Variants in FOXRED1 observed in about 807,000 individuals in gnomAD.
FOXRED1 encodes the protein FAD dependent oxidoreductase domain containing 1.
In FOXRED1, 52 loss-of-function variants were observed where a neutral mutation model predicts 57.8. That is an observed-to-expected ratio of 0.90 (90% CI 0.72 to 1.13). FOXRED1 has a LOEUF of 1.13. Among genes scored for constraint, FOXRED1 ranks in the 50% most tolerant of loss-of-function variants. The pLI is 0.00. For synonymous variants in FOXRED1, 271 were observed against 248.3 expected (o/e 1.09, Z -0.86); for missense variants, 589 against 625.2 (o/e 0.94, Z 0.62).
rs140700160 is a variant in FOXRED1, at chr11:126,277,405, C to T, written c.1207-30C>T. ...GGATGGAGTGTGGCTACAGCCTTCCCGAGAACCCCAGTGTTTTGTGCACCC... is the reference window on the plus strand; with the variant it reads ...GGATGGAGTGTGGCTACAGCCTTCCTGAGAACCCCAGTGTTTTGTGCACCC... On this transcript the variant is annotated intron_variant, in intron 10 of 10. Coordinates refer to ENST00000263578, the MANE Select transcript of FOXRED1 (RefSeq NM_017547.4). The surrounding 1 kb of genome is among the most constrained non-coding windows in gnomAD (Gnocchi z 6.8). The T allele has an allele frequency of 1.3e-4, 212 of 1,612,394 alleles. No individual in the cohort carries two copies. In the African/African-American group the frequency reaches 2.5e-3, roughly 19 times the overall value.
Position 126,272,628 on chromosome 11 carries a change from G to A in FOXRED1, c.307-341G>A, listed in dbSNP as rs1951020822. On this transcript the variant is annotated intron_variant, in intron 2 of 10. Transcript: ENST00000263578. The surrounding 1 kb of genome is among the most constrained non-coding windows in gnomAD (Gnocchi z 4.6). ...TTAGGTGTTCCTGTTTGCATTGCCA[G>A]CTAGCCACGAGTCTTGCTACTTTAC... is the stretch of plus-strand genomic sequence containing the variant. The A allele has an allele frequency of 2.6e-6, 1 of 382,786 alleles. No individual in the cohort carries two copies. The highest frequency in any genetic ancestry group is 2.3e-5 in the South Asian group (1 of 43,068). The allele number at this position is 382,786 out of a possible 1,614,324, so 23.7% of individuals were successfully genotyped here.
rs1951004067 is a variant in FOXRED1, at chr11:126,272,079, C to T, written c.306+422C>T. Among the ~76,000 whole-genome samples, 2 of 151,474 alleles carry T rather than the reference C, an allele frequency of 1.3e-5. No individual in the cohort carries two copies. Among genetic ancestry groups the T allele is most frequent in the South Asian group, 4.2e-4 (2 of 4,802 alleles). On this transcript the variant is annotated intron_variant, in intron 2 of 10. Coordinates refer to ENST00000263578, the MANE Select transcript of FOXRED1 (RefSeq NM_017547.4). The surrounding 1 kb of genome is among the most constrained non-coding windows in gnomAD (Gnocchi z 4.6). ...CAGGTTCAAGTGATTATCCCACCTC[C>T]GCCCCCTGAGTAGCTGAGATTACAG...
intron 1 of FOXRED1, among the ~76,000 whole-genome samples, chr11:126,269,749 G>C (rs1178272393): frequency 6.6e-6 from 1 of 152,080 alleles, no homozygotes; most frequent in Non-Finnish European, 1.5e-5. Context: ...CACTTTGGGA[G>C]GTCGAGGCGG....
chr11:126,275,388 C>T lies in FOXRED1; in HGVS notation c.693C>T (p.Val231=). 1 of 1,613,904 alleles carries T rather than the reference C, an allele frequency of 6.2e-7. No homozygotes were observed. Among genetic ancestry groups the T allele is most frequent in the Non-Finnish European group, 8.5e-7 (1 of 1,179,840 alleles). ...TGCTCCAGGGGCTTCGGCGAAAGGT[C>T]CAGTCCTTGGGAGTCCTTTTCTGCC... ...WCLLQGLRRK[V]QSLGVLFCQG... is the part of the protein sequence containing the mutation. The change falls in exon 6 of 11, where the codon GTC becomes GTT. Residue 231 remains valine, a synonymous_variant. Coordinates refer to ENST00000263578, the MANE Select transcript of FOXRED1 (RefSeq NM_017547.4). The surrounding 1 kb of genome is among the most constrained non-coding windows in gnomAD (Gnocchi z 5.9).
At position 126,275,218 on chromosome 11, in the gene FOXRED1, G is replaced by T; in HGVS notation, c.632-109G>T. On this transcript the variant is annotated intron_variant, in intron 5 of 10. Transcript: ENST00000263578. The surrounding 1 kb of genome is among the most constrained non-coding windows in gnomAD (Gnocchi z 5.9). ...TCTCTGTGGTTCAGTTGGTTAAGAT[G>T]ACCTTCCCCGGCTTACAAGCCCTAG... The T allele has an allele frequency of 1.1e-6, 1 of 920,774 alleles. No homozygotes were observed. The highest frequency in any genetic ancestry group is 1.3e-5 in the South Asian group (1 of 74,452). The allele number at this position is 920,774 out of a possible 1,614,324, so 57.0% of individuals were successfully genotyped here.
rs1591549139 is a variant in FOXRED1 at position 126,273,181 on chromosome 11, C to T, written c.417+102C>T. 1.0e-6 allele frequency: 1 copy of T among 969,104 alleles called. No homozygotes were observed. The highest frequency in any genetic ancestry group is 1.7e-6 in the Non-Finnish European group (1 of 591,942). 60.0% of individuals were successfully genotyped at this position (969,104 alleles called of 1,614,324 possible). ...AGGTAGCCAGAGAGCAAGAATGGGT[C>T]AGCCAACTAGGAGAGGGGGGCCCTG... On this transcript the variant is annotated intron_variant, in intron 3 of 10. Transcript: ENST00000263578. This position sits in a 1 kb window ranked among gnomAD's most constrained non-coding sequence, Gnocchi z 5.9.
Position 126,275,866 on chromosome 11 carries a change from T to G in FOXRED1, c.806T>G (p.Val269Gly). 6.2e-7 allele frequency: 1 copy of G among 1,607,488 alleles called. No individual in the cohort carries two copies. The highest frequency in any genetic ancestry group is 8.5e-7 in the Non-Finnish European group (1 of 1,174,056). Residue 269 changes from valine to glycine, a missense_variant, in exon 7 of 11, where the codon GTC becomes GGC. Physicochemically the swap from Val to Gly is moderately radical, Grantham distance 109 (BLOSUM62 -3). Coordinates refer to ENST00000263578, the MANE Select transcript of FOXRED1 (RefSeq NM_017547.4). The surrounding 1 kb of genome is among the most constrained non-coding windows in gnomAD (Gnocchi z 5.9). ...GTGGTCTTGAAAAGGATCCATGAAGTCCATGTAAGTTTCTAGTCTGTGATG... is the reference window on the plus strand; with the variant it reads ...GTGGTCTTGAAAAGGATCCATGAAGGCCATGTAAGTTTCTAGTCTGTGATG... ...KAVVLKRIHE[V>G]HVKMDRSLEY...
Position 126,276,193 on chromosome 11 carries a change from C to A in FOXRED1, c.945C>A (p.Thr315=), listed in dbSNP as rs779980682. 2.5e-6 allele frequency: 4 copies of A among 1,593,838 alleles called. No individual in the cohort carries two copies. The highest frequency in any genetic ancestry group is 1.1e-5 in the South Asian group (1 of 89,336). ...GGCCGCCTGGCACCCTGCAGGGCAC[C>A]AAGCTACCTGTGGAGCCGAGGAAAA... ...GEGPPGTLQG[T]KLPVEPRKRY... The change falls in exon 8 of 11, where the codon ACC becomes ACA. Residue 315 remains threonine, a synonymous_variant. Coordinates refer to ENST00000263578, the MANE Select transcript of FOXRED1 (RefSeq NM_017547.4).
chr11:126,274,458 G>A lies in FOXRED1; in HGVS notation c.537-469G>A, dbSNP rs777492072. 6.0e-5 allele frequency: 13 copies of A among 215,122 alleles called. No individual in the cohort carries two copies. Among genetic ancestry groups the A allele is most frequent in the Non-Finnish European group, 9.5e-5 (10 of 104,822 alleles). 13.3% of individuals were successfully genotyped at this position (215,122 alleles called of 1,614,324 possible). ...GAGGTCAGGAGTTCGAGACCAGCCTGGCCAACTGGTGAAACCTCATCTCTA... is the reference window on the plus strand; with the variant it reads ...GAGGTCAGGAGTTCGAGACCAGCCTAGCCAACTGGTGAAACCTCATCTCTA... On this transcript the variant is annotated intron_variant, in intron 4 of 10. Transcript: ENST00000263578. The surrounding 1 kb of genome is among the most constrained non-coding windows in gnomAD (Gnocchi z 4.8).
intron 9 of FOXRED1, 147 bp downstream of exon 9, chr11:126,276,670 G>C: frequency 1.2e-6 from 1 of 812,186 alleles, no homozygotes; most frequent in East Asian, 3.0e-5. Flanking sequence ...GAGGTTAGGA[G>C]TTTGAGACCA....
At position 126,277,324 on chromosome 11, in the gene FOXRED1, A is replaced by G. The variant is rs562653097; in HGVS notation, c.1207-111A>G. The G allele has an allele frequency of 2.2e-6, 3 of 1,388,832 alleles. No individual in the cohort carries two copies. In the African/African-American group the frequency reaches 4.2e-5, roughly 20 times the overall value. 86.0% of individuals were successfully genotyped at this position (1,388,832 alleles called of 1,614,324 possible). On this transcript the variant is annotated intron_variant, in intron 10 of 10. Transcript: ENST00000263578. This position sits in a 1 kb window ranked among gnomAD's most constrained non-coding sequence, Gnocchi z 6.8. ...GAATTTCTTGGACACATCCCATCCC[A>G]TAGACCCCTCAGCAGCAGGTAGAGG...
At position 126,275,640 on chromosome 11, in the gene FOXRED1, C is replaced by A; in HGVS notation, c.734-154C>A. 2.8e-6 allele frequency: 2 copies of A among 727,250 alleles called. No homozygotes were observed. Among genetic ancestry groups the A allele is most frequent in the African/African-American group, 1.7e-5 (1 of 57,548 alleles). 45.0% of individuals were successfully genotyped at this position (727,250 alleles called of 1,614,324 possible). A position where few individuals can be genotyped will look rare whatever the true frequency, so the allele number is the denominator to read the frequency against. Reference sequence around the variant, plus strand: ...TGAGCACTGTCCTGTCAGAGTGTGGCCAAGCTCATGCCAGCTCCCTCATCT... The same window carrying A: ...TGAGCACTGTCCTGTCAGAGTGTGGACAAGCTCATGCCAGCTCCCTCATCT... On this transcript the variant is annotated intron_variant, in intron 6 of 10. Transcript: ENST00000263578. The surrounding 1 kb of genome is among the most constrained non-coding windows in gnomAD (Gnocchi z 5.9).
intron 9 of FOXRED1, 35 bp downstream of exon 9, chr11:126,276,558 G>A: frequency 6.3e-7 from 1 of 1,594,996 alleles, no homozygotes. Flanking sequence ...CTGGCAAGGA[G>A]ACATAGAATA....
At chr11:126,269,887 T>C (rs1950930072) in intron 1 of FOXRED1, among the ~76,000 whole-genome samples, 1 of 148,240 alleles carries the variant, frequency 6.7e-6, no homozygotes, top group African/African-American at 2.5e-5. Flanking sequence ...CTCGGGAGGC[T>C]GAGGCAGGAG....
Position 126,275,593 on chromosome 11 carries a change from T to C in FOXRED1, c.733+165T>C. The C allele has an allele frequency of 1.4e-6, 1 of 723,076 alleles. No individual in the cohort carries two copies. The highest frequency in any genetic ancestry group is 2.5e-6 in the Non-Finnish European group (1 of 400,586). The allele number at this position is 723,076 out of a possible 1,614,324, so 44.8% of individuals were successfully genotyped here. A position where few individuals can be genotyped will look rare whatever the true frequency, so the allele number is the denominator to read the frequency against. ...CCTCACTGATCTGCGTTGTGACTTG[T>C]GATCTGCTTGATGATTGCACCTGAG... On this transcript the variant is annotated intron_variant, in intron 6 of 10. Transcript: ENST00000263578. The surrounding 1 kb of genome is among the most constrained non-coding windows in gnomAD (Gnocchi z 5.9).
chr11:126,275,491 C>A lies in FOXRED1; in HGVS notation c.733+63C>A. On this transcript the variant is annotated intron_variant, in intron 6 of 10. Coordinates refer to ENST00000263578, the MANE Select transcript of FOXRED1 (RefSeq NM_017547.4). This position sits in a 1 kb window ranked among gnomAD's most constrained non-coding sequence, Gnocchi z 5.9. The stretch of plus-strand genomic sequence containing the variant: ...AGGCCTAGACTAGGTCTTATCTTCT[C>A]ACTCACAAGCTAAGCAAGGGCTGGA... The A allele has an allele frequency of 8.4e-7, 1 of 1,192,186 alleles. No individual in the cohort carries two copies. The highest frequency in any genetic ancestry group is 1.3e-6 in the Non-Finnish European group (1 of 795,468). 73.9% of individuals were successfully genotyped at this position (1,192,186 alleles called of 1,614,324 possible).
intron 1 of FOXRED1, among the ~76,000 whole-genome samples, chr11:126,270,422 C>G (rs78035999): frequency 1.1e-4 from 16 of 152,216 alleles, no homozygotes; most frequent in African/African-American, 3.6e-4. Flanking sequence ...AGCCTCCCCC[C>G]TCATGGATTT....
rs2135266086 is a variant in FOXRED1 at position 126,276,102 on chromosome 11, C to T, written c.854C>T (p.Ala285Val). ...RSLEYQPVECAIVINAAGAWS... is the reference protein window; with the variant it reads ...RSLEYQPVECVIVINAAGAWS... ...CTGGAGTACCAGCCTGTGGAATGCGCCATTGTGATCAACGCAGCCGGAGCC... is the reference window on the plus strand; with the variant it reads ...CTGGAGTACCAGCCTGTGGAATGCGTCATTGTGATCAACGCAGCCGGAGCC... The change falls in exon 8 of 11, where the codon GCC (alanine) becomes GTC (valine). Residue 285 changes from alanine to valine, a missense_variant. Ala to Val is a moderately conservative substitution (Grantham distance 64, BLOSUM62 0). Transcript: ENST00000263578. The T allele has an allele frequency of 6.2e-7, 1 of 1,612,800 alleles. No individual in the cohort carries two copies. Among genetic ancestry groups the T allele is most frequent in the East Asian group, 2.2e-5 (1 of 44,784 alleles).
At chr11:126,276,029 T>C (rs754433442) in intron 7 of FOXRED1, 30 bp from the exon 8 acceptor site, 2 of 1,612,858 alleles carry the variant, frequency 1.2e-6, no homozygotes, top group South Asian at 2.2e-5. Context: ...GGTCCGGGCC[T>C]TCCCACTCCT....
Sources: gnomAD v4.1 joint callset for allele counts (sites outside exome capture counted in the v4.1 genomes callset) on GRCh38, gnomAD v4.1.1 for gene constraint, Gnocchi (gnomAD v3.1) non-coding constraint, MANE v1.5 for transcripts, NCBI Gene and HGNC (gene_info 2026-07-23, HGNC 2026-07-21) for gene names.